The following MPPED2 variants were observed in gnomAD, a reference collection of about 807,000 sequenced individuals.
MPPED2 encodes metallophosphoesterase domain containing 2.
In MPPED2, 5 loss-of-function variants were observed where a neutral mutation model predicts 33.0. The ratio of observed to expected loss-of-function variants is 0.15; its 90% CI spans 0.08 to 0.32. MPPED2 has a LOEUF of 0.32. MPPED2 is among the 10% of genes least tolerant of loss of function. The pLI, the probability that MPPED2 is intolerant of heterozygous loss-of-function variation, is 1.00. For synonymous variants in MPPED2, 136 were observed against 141.9 expected (o/e 0.96, Z 0.29); for missense variants, 275 against 372.1 (o/e 0.74, Z 2.15).
At chr11:30,454,345 C>T (rs1404636595) in intron 4 of MPPED2, among the ~76,000 whole-genome samples, 3 of 152,022 alleles carry the variant, frequency 2.0e-5, no homozygotes, top group East Asian at 3.9e-4. Context: ...GCCATAACCA[C>T]GATGTGTATA....
intron 4 of MPPED2, among the ~76,000 whole-genome samples, chr11:30,433,278 C>T (rs1949164777): frequency 6.6e-6 from 1 of 152,196 alleles, no homozygotes; most frequent in African/African-American, 2.4e-5. Context: ...CTGAGATACC[C>T]TGCAGAAAAG....
At chr11:30,473,821 G>C (rs761365036) in intron 4 of MPPED2, among the ~76,000 whole-genome samples, 1 of 152,154 alleles carries the variant, frequency 6.6e-6, no homozygotes, top group Non-Finnish European at 1.5e-5. Flanking sequence ...CTGGCCAATA[G>C]TAAACAGAAA....
intron 3 of MPPED2, among the ~76,000 whole-genome samples, chr11:30,525,020 A>G (rs962134392): frequency 2.6e-5 from 4 of 152,228 alleles, no homozygotes; most frequent in South Asian, 4.1e-4. Context: ...GACTTACCCT[A>G]TGATGAGAAA....
intron 4 of MPPED2, 63 bp downstream of exon 4, chr11:30,495,233 A>G: frequency 9.0e-7 from 1 of 1,106,894 alleles, no homozygotes; most frequent in Non-Finnish European, 1.4e-6. Context: ...TCTAAATCTG[A>G]GCTGTGTTTT....
At chr11:30,458,911 G>GTTTTTTTT (rs1340798234) in intron 4 of MPPED2, among the ~76,000 whole-genome samples, 1 of 86,326 alleles carries the variant, frequency 1.2e-5, no homozygotes, top group Non-Finnish European at 2.5e-5. Flanking sequence ...ATTTTGCACA[G>GTTTTTTTT]TTCTTTTTTT....
At chr11:30,459,862 G>A (rs1355563367) in intron 4 of MPPED2, among the ~76,000 whole-genome samples, 2 of 152,178 alleles carry the variant, frequency 1.3e-5, no homozygotes, top group African/African-American at 4.8e-5. Flanking sequence ...GGTGGCAACT[G>A]TTTTCAGAAA....
At chr11:30,420,373 CA>C (rs1948557718) in intron 4 of MPPED2, among the ~76,000 whole-genome samples, 1 of 152,106 alleles carries the variant, frequency 6.6e-6, no homozygotes, top group Non-Finnish European at 1.5e-5. Flanking sequence ...ATAGAGCCTC[CA>C]AAAAAATGCA....
Position 30,583,147 on chromosome 11 carries a change from T to C in MPPED2, c.-121-2653A>G, listed in dbSNP as rs967424259. 2.3e-3 allele frequency among the ~76,000 whole-genome samples: 98 copies of C among 42,490 alleles called. 1 individual carries two copies. Among genetic ancestry groups the C allele is most frequent in the Non-Finnish European group, 5.0e-3 (82 of 16,550 alleles). 27.9% of individuals were successfully genotyped at this position (42,490 alleles called of 152,430 possible). ...AAAAGACTTTTTCTTTTTTTTTTTTTTTTTTTTTTTTTTTTTTTGGTAAAC... is the reference window on the plus strand; with the variant it reads ...AAAAGACTTTTTCTTTTTTTTTTTTCTTTTTTTTTTTTTTTTTTGGTAAAC... On this transcript the variant is annotated intron_variant, in intron 1 of 6. Coordinates refer to ENST00000358117, the MANE Select transcript of MPPED2 (RefSeq NM_001584.3).
intron 2 of MPPED2, among the ~76,000 whole-genome samples, chr11:30,561,338 T>G (rs978494127): frequency 1.3e-5 from 2 of 152,190 alleles, no homozygotes; most frequent in Admixed American, 1.3e-4. Flanking sequence ...CTAGAGCTTT[T>G]ATTAGATAAT....
chr11:30,414,404 T>C, intron 5 of MPPED2, 63 bp from the exon 6 acceptor site: 1 of 1,055,654 alleles, frequency 9.5e-7, no homozygotes, highest in Non-Finnish European at 1.5e-6. Flanking sequence ...TCATTTAGAC[T>C]TTCAGGAAGC....
At chr11:30,566,447 G>A (rs532350204) in intron 2 of MPPED2, among the ~76,000 whole-genome samples, 3 of 152,194 alleles carry the variant, frequency 2.0e-5, no homozygotes, top group South Asian at 4.1e-4. Context: ...ATTAGTGTAC[G>A]AGTATCAGAA....
intron 4 of MPPED2, among the ~76,000 whole-genome samples, chr11:30,480,874 T>G (rs1360238373): frequency 1.3e-5 from 2 of 152,174 alleles, no homozygotes; most frequent in Non-Finnish European, 2.9e-5. Flanking sequence ...AATTTATAAC[T>G]ATCACTCAGT....
At chr11:30,570,065 A>G (rs1956624022) in intron 2 of MPPED2, among the ~76,000 whole-genome samples, 1 of 152,080 alleles carries the variant, frequency 6.6e-6, no homozygotes, top group South Asian at 2.1e-4. Flanking sequence ...TTCCCATTAT[A>G]TTCCCTGCCT....
At chr11:30,400,624 T>G (rs1204926741) in intron 6 of MPPED2, among the ~76,000 whole-genome samples, 1 of 152,230 alleles carries the variant, frequency 6.6e-6, no homozygotes, top group Non-Finnish European at 1.5e-5. Flanking sequence ...GAGTGAAAAG[T>G]TTAAAAGGAC....
At chr11:30,485,259 A>G (rs1392622921) in intron 4 of MPPED2, among the ~76,000 whole-genome samples, 4 of 152,180 alleles carry the variant, frequency 2.6e-5, no homozygotes, top group Admixed American at 1.3e-4. Flanking sequence ...AAATGAGGGT[A>G]ATATTTATCT....
intron 4 of MPPED2, among the ~76,000 whole-genome samples, chr11:30,452,350 A>G (rs925048699): frequency 6.6e-6 from 1 of 152,118 alleles, no homozygotes; most frequent in South Asian, 2.1e-4. Context: ...CTTAAACACG[A>G]TCGTGTCTGT....
Position 30,414,336 on chromosome 11 carries a change from G to C in MPPED2, c.658C>G (p.Arg220Gly). Residue 220 changes from arginine (R) to glycine (G), a missense_variant, in exon 6 of 7, where the codon CGA (arginine) becomes GGA (glycine). Coordinates refer to ENST00000358117, the MANE Select transcript of MPPED2 (RefSeq NM_001584.3). ...TGAAGCTCCTTTGGAACCCAGTCTC[G>C]AAAACCTAAGGGCAAAATGCAATCA... ...LMTHGPPLGFRDWVPKELQRV... is the reference protein window; with the variant it reads ...LMTHGPPLGFGDWVPKELQRV... 2 of 1,609,556 alleles carry C rather than the reference G, an allele frequency of 1.2e-6. No homozygotes were observed. The highest frequency in any genetic ancestry group is 1.7e-6 in the Non-Finnish European group (2 of 1,175,922).
rs2133727716 is a variant in MPPED2, at chr11:30,410,991, T to C, written c.*477A>G. On this transcript the variant is annotated 3_prime_UTR_variant, in exon 7 of 7. Transcript: ENST00000358117. ...TTCTGTTGAGAAGATTGCTATAAAT[T>C]GGGACCACATCTGCAAAAAAGAAGC... 1.0e-6 allele frequency: 1 copy of C among 985,812 alleles called. No homozygotes were observed. Among genetic ancestry groups the C allele is most frequent in the Non-Finnish European group, 1.2e-6 (1 of 829,964 alleles). 61.1% of individuals were successfully genotyped at this position (985,812 alleles called of 1,614,324 possible). A position where few individuals can be genotyped will look rare whatever the true frequency, so the allele number is the denominator to read the frequency against.
At chr11:30,433,159 A>G (rs1949158833) in intron 4 of MPPED2, among the ~76,000 whole-genome samples, 1 of 152,182 alleles carries the variant, frequency 6.6e-6, no homozygotes, top group African/African-American at 2.4e-5. Flanking sequence ...TGATTTGCTG[A>G]GATTGTTACA....
Sources: gnomAD v4.1 joint callset for allele counts (sites outside exome capture counted in the v4.1 genomes callset) on GRCh38, gnomAD v4.1.1 for gene constraint, MANE v1.5 for transcripts, NCBI Gene and HGNC (gene_info 2026-07-23, HGNC 2026-07-21) for gene names.